UNC93A: variants seen among roughly 807,000 people sequenced by gnomAD.
The protein encoded by UNC93A is unc-93 homolog A.
UNC93A carries 43 observed loss-of-function variants against 47.5 expected under a neutral mutation model. The ratio of observed to expected loss-of-function variants is 0.91; its 90% CI spans 0.71 to 1.17. The LOEUF is 1.17. Among genes scored for constraint, UNC93A ranks in the 50% most tolerant of loss-of-function variants. UNC93A has a pLI of 0.00. For synonymous variants in UNC93A, 280 were observed against 258.0 expected (o/e 1.09, Z -0.82); for missense variants, 605 against 577.6 (o/e 1.05, Z -0.49).
At position 167,313,227 on chromosome 6, in the gene UNC93A, C is replaced by A. The variant is rs534680894; in HGVS notation, c.1109-1960C>A. Among the ~76,000 whole-genome samples the A allele has an allele frequency of 7.2e-4, 109 of 152,312 alleles. 1 individual carries two copies. Among genetic ancestry groups the A allele is most frequent in the Non-Finnish European group, 1.1e-3 (78 of 68,038 alleles). ...TCCCCAAGTCCTCCATGCTGGGGAACCTACTGTCTCCCAAACACATCTAGG... is the reference window on the plus strand; with the variant it reads ...TCCCCAAGTCCTCCATGCTGGGGAAACTACTGTCTCCCAAACACATCTAGG... On this transcript the variant is annotated intron_variant, in intron 7 of 7. Coordinates refer to ENST00000230256, the MANE Select transcript of UNC93A (RefSeq NM_018974.4).
At chr6:167,296,321 GA>G (rs1778088467) in intron 3 of UNC93A, 60 bp downstream of exon 3, 1 of 1,564,200 alleles carries the variant, frequency 6.4e-7, no homozygotes, top group Non-Finnish European at 8.8e-7. Flanking sequence ...AGTGATGGGG[GA>G]GAGGGTTCCT....
intron 1 of UNC93A, among the ~76,000 whole-genome samples, chr6:167,272,095 G>A (rs181348958): frequency 1.0e-3 from 153 of 152,318 alleles, no homozygotes; most frequent in Middle Eastern, 3.4e-3. Flanking sequence ...GGGCAGGAGA[G>A]AGAGCTTCAC....
intron 3 of UNC93A, 120 bp from the exon 4 acceptor site, chr6:167,297,824 TG>T (rs1158865263): frequency 1.3e-5 from 17 of 1,301,092 alleles, no homozygotes; most frequent in Non-Finnish European, 1.5e-5. Context: ...CCACGTGACC[TG>T]TAGTGATGCC....
At chr6:167,283,954 A>C (rs1783677552) in intron 1 of UNC93A, among the ~76,000 whole-genome samples, 1 of 152,220 alleles carries the variant, frequency 6.6e-6, no homozygotes, top group Non-Finnish European at 1.5e-5. Context: ...ATCTCACAGC[A>C]CATTAAATCC....
At chr6:167,305,817 A>G in intron 5 of UNC93A, 98 bp from the exon 6 acceptor site, 6 of 1,553,312 alleles carry the variant, frequency 3.9e-6, no homozygotes, top group Admixed American at 1.7e-5. Flanking sequence ...CCTGCTGGCC[A>G]TCTCAGAGCA....
chr6:167,278,652 AAACTC>A (rs1373170014), intron 1 of UNC93A, among the ~76,000 whole-genome samples: 1 of 152,154 alleles, frequency 6.6e-6, no homozygotes, highest in Admixed American at 6.5e-5. Flanking sequence ...AGTTCCCCTG[AAACTC>A]AGGGCTGCAA....
intron 1 of UNC93A, among the ~76,000 whole-genome samples, chr6:167,272,520 G>A (rs546062900): frequency 1.2e-4 from 19 of 152,358 alleles, no homozygotes; most frequent in Non-Finnish European, 2.2e-4. Context: ...GAGGTCCTGA[G>A]AACATGTGCC....
intron 4 of UNC93A, among the ~76,000 whole-genome samples, chr6:167,302,631 A>G (rs537086340): frequency 1.3e-5 from 2 of 152,324 alleles, no homozygotes; most frequent in South Asian, 4.1e-4. Flanking sequence ...GGTGGATCAA[A>G]TAATAAAGTG....
rs762180659 is a variant in UNC93A, at chr6:167,294,569, A to G, written c.140A>G (p.Tyr47Cys). ...GLGVTALSTL[Y>C]GGMLLSSMFL... ...GGTGTCACAGCGCTCAGCACCCTCT[A>G]TGGAGGCATGCTCCTGTCCTCCATG... Residue 47 changes from tyrosine to cysteine, a missense_variant, in exon 2 of 8, where the codon TAT becomes TGT. Coordinates refer to ENST00000230256, the MANE Select transcript of UNC93A (RefSeq NM_018974.4). The G allele has an allele frequency of 5.6e-6, 9 of 1,613,900 alleles. No individual in the cohort carries two copies. Among genetic ancestry groups the G allele is most frequent in the Admixed American group, 1.7e-5 (1 of 59,988 alleles).
rs775635529 is a variant in UNC93A at position 167,294,747 on chromosome 6, C to G, written c.269+49C>G. 3.9e-6 allele frequency: 6 copies of G among 1,542,162 alleles called. No individual in the cohort carries two copies. In the South Asian group the frequency reaches 7.4e-5, roughly 19 times the overall value. Reference sequence around the variant, plus strand: ...CACCCCACCCCGGCCGTTCCCCACGCTAGGGACGTTCACTCTGCACATGAG... The same window carrying G: ...CACCCCACCCCGGCCGTTCCCCACGGTAGGGACGTTCACTCTGCACATGAG... On this transcript the variant is annotated intron_variant, in intron 2 of 7. Transcript: ENST00000230256.
chr6:167,295,525 G>A (rs1265602468), intron 2 of UNC93A, among the ~76,000 whole-genome samples: 3 of 95,422 alleles, frequency 3.1e-5, no homozygotes, highest in Non-Finnish European at 5.6e-5. Flanking sequence ...CGTGCTCCTC[G>A]CCTGCCTCGT....
intron 1 of UNC93A, among the ~76,000 whole-genome samples, chr6:167,285,594 C>T (rs980514383): frequency 2.0e-5 from 3 of 151,560 alleles, no homozygotes; most frequent in African/African-American, 7.3e-5. Flanking sequence ...GAAGCGGCTT[C>T]CCTGCAGCTG....
intron 6 of UNC93A, 119 bp from the exon 7 acceptor site, chr6:167,307,660 C>T: frequency 2.3e-6 from 3 of 1,295,356 alleles, no homozygotes; most frequent in Non-Finnish European, 3.2e-6. Flanking sequence ...TGAGACGGTT[C>T]CAGAGGACAG....
intron 1 of UNC93A, among the ~76,000 whole-genome samples, chr6:167,281,228 C>T (rs1583062118): frequency 6.6e-6 from 1 of 151,814 alleles, no homozygotes; most frequent in Admixed American, 6.6e-5. Flanking sequence ...GGGGGACAGC[C>T]CACCAAGAGA....
At chr6:167,306,196 A>T in intron 6 of UNC93A, 146 bp downstream of exon 6, 1 of 1,186,766 alleles carries the variant, frequency 8.4e-7, no homozygotes, top group Non-Finnish European at 1.2e-6. Flanking sequence ...TCATTCTTTC[A>T]GTCCTTTCTT....
chr6:167,307,939 T>A, intron 7 of UNC93A, 29 bp downstream of exon 7: 1 of 1,611,448 alleles, frequency 6.2e-7, no homozygotes, highest in Non-Finnish European at 8.5e-7. Flanking sequence ...CCCCTTCCTC[T>A]GTGGCAGCAG....
At chr6:167,290,212 C>G (rs764495165), upstream of UNC93A, among the ~76,000 whole-genome samples, 5 of 152,158 alleles carry the variant, frequency 3.3e-5, no homozygotes, top group South Asian at 6.2e-4. Context: ...TGCTAGACTG[C>G]GTGGCTCTTA....
chr6:167,296,940 C>T (rs946448058), intron 3 of UNC93A, among the ~76,000 whole-genome samples: 1 of 152,206 alleles, frequency 6.6e-6, no homozygotes, highest in Non-Finnish European at 1.5e-5. Flanking sequence ...TCAAGGTTCT[C>T]CATCTTGCTA....
chr6:167,283,911 G>A (rs921275961), intron 1 of UNC93A, among the ~76,000 whole-genome samples: 2 of 152,164 alleles, frequency 1.3e-5, no homozygotes, highest in South Asian at 2.1e-4. Flanking sequence ...CGTGGTATGA[G>A]GGCATTTCAG....
Sources: allele counts gnomAD v4.1 joint callset (sites outside exome capture counted in the v4.1 genomes callset), GRCh38; gene constraint gnomAD v4.1.1; transcripts MANE v1.5; gene names NCBI Gene and HGNC (gene_info 2026-07-23, HGNC 2026-07-21).